The following GSTT4 variants were observed in gnomAD, a reference collection of about 807,000 sequenced individuals.
The protein encoded by GSTT4 is glutathione S-transferase theta 4.
chr22:23,994,762 C>A (rs542846194), downstream of GSTT4, among the ~76,000 whole-genome samples: 1 of 152,084 alleles, frequency 6.6e-6, no homozygotes, highest in Non-Finnish European at 1.5e-5. Context: ...GCTTTTTCTG[C>A]ACCAAACGCA....
downstream of GSTT4, among the ~76,000 whole-genome samples, chr22:23,994,264 C>T (rs2146221520): frequency 6.6e-6 from 1 of 152,118 alleles, no homozygotes; most frequent in East Asian, 1.9e-4. Flanking sequence ...TCCACCCTTT[C>T]AAAGTATACT....
the GSTT4 span, among the ~76,000 whole-genome samples, chr22:23,990,453 C>CAA: frequency 1.0e-4 from 3 of 29,972 alleles, 1 homozygote; most frequent in Admixed American, 1.1e-3. Context: ...CTACACACAC[C>CAA]AAAAAAAAAA....
At chr22:23,991,052 C>T in the GSTT4 span, among the ~76,000 whole-genome samples, 1,226 of 68,572 alleles carry the variant, frequency 0.018, 3 homozygotes, top group Middle Eastern at 0.035. Context: ...TCGGTGGGCA[C>T]CTGTAGTCCC....
rs2146228286 is a variant in GSTT4 at position 24,000,259 on chromosome 22, G to C, written c.352-8C>G. The C allele has an allele frequency of 6.5e-6, 1 of 153,286 alleles. No individual in the cohort carries two copies. The highest frequency in any genetic ancestry group is 1.9e-4 in the East Asian group (1 of 5,170). The allele number at this position is 153,286 out of a possible 1,614,324, so 9.5% of individuals were successfully genotyped here. On this transcript the variant is annotated splice_polypyrimidine_tract_variant and splice_region_variant and intron_variant, in intron 3 of 4. Transcript: ENST00000621179. ...TATCTTTGGGATCAGCAACTGGCCA[G>C]GGTTGGGAAGAGGAGGGAAGAGGAG...
chr22:23,989,690 G>A, the GSTT4 span, among the ~76,000 whole-genome samples: 1 of 151,230 alleles, frequency 6.6e-6, no homozygotes, highest in African/African-American at 2.4e-5. Context: ...AGCCCCCGGT[G>A]GCTCAGCTCT....
intron 4 of GSTT4, among the ~76,000 whole-genome samples, 143 bp downstream of exon 4, chr22:23,999,924 TCCAGGCCC>T: frequency 6.6e-6 from 1 of 152,218 alleles, no homozygotes; most frequent in Non-Finnish European, 1.5e-5. Context: ...CCCGATTGAG[TCCAGGCCC>T]CCAGGCCTGG....
At chr22:23,991,004 C>CAATAGTAAT in the GSTT4 span, among the ~76,000 whole-genome samples, 1 of 74,422 alleles carries the variant, frequency 1.3e-5, no homozygotes, top group African/African-American at 4.0e-5. Flanking sequence ...GACCTCCTCT[C>CAATAGTAAT]AATAATAATA....
chr22:24,003,641 G>T (rs2034286323), intron 2 of GSTT4, 119 bp downstream of exon 2: 1 of 154,584 alleles, frequency 6.5e-6, no homozygotes, highest in Non-Finnish European at 1.5e-5. Context: ...TCATTAGTTA[G>T]TATTCACTCT....
chr22:23,995,093 G>A (rs2034102642), downstream of GSTT4, among the ~76,000 whole-genome samples: 1 of 152,054 alleles, frequency 6.6e-6, no homozygotes, highest in South Asian at 2.1e-4. Context: ...GTTTGTAGCT[G>A]TTAAGGCTGG....
At chr22:23,990,031 C>A in the GSTT4 span, among the ~76,000 whole-genome samples, 2 of 149,846 alleles carry the variant, frequency 1.3e-5, no homozygotes, top group Non-Finnish European at 3.0e-5. Context: ...CTCCCTCTGG[C>A]CTGCCCAGGG....
chr22:23,990,453 C>CAAAA, the GSTT4 span, among the ~76,000 whole-genome samples: 1 of 29,996 alleles, frequency 3.3e-5, no homozygotes, highest in Non-Finnish European at 5.8e-5. Context: ...CTACACACAC[C>CAAAA]AAAAAAAAAA....
downstream of GSTT4, among the ~76,000 whole-genome samples, chr22:23,995,308 C>T (rs530066463): frequency 6.6e-6 from 1 of 152,246 alleles, no homozygotes; most frequent in South Asian, 2.1e-4. Context: ...AATTTTAAGA[C>T]AAGCTTTTGG....
downstream of GSTT4, among the ~76,000 whole-genome samples, chr22:23,994,925 G>A (rs2034101003): frequency 6.6e-6 from 1 of 152,040 alleles, no homozygotes; most frequent in African/African-American, 2.4e-5. Context: ...TACTCATCAG[G>A]GTGGTTGTGA....
At chr22:23,992,330 A>G in the GSTT4 span, among the ~76,000 whole-genome samples, 1 of 143,354 alleles carries the variant, frequency 7.0e-6, no homozygotes, top group Non-Finnish European at 1.5e-5. Flanking sequence ...CAGTAAATTA[A>G]TCACCATGAC....
the GSTT4 span, among the ~76,000 whole-genome samples, chr22:23,993,034 C>A: frequency 0.62 from 92,295 of 148,204 alleles, 27,946 homozygotes; most frequent in South Asian, 0.76. Context: ...CAGCCTCCCA[C>A]AGTGCTGGGA....
chr22:24,003,162 A>G, intron 2 of GSTT4, among the ~76,000 whole-genome samples: 1 of 125,030 alleles, frequency 8.0e-6, no homozygotes, highest in South Asian at 2.7e-4. Context: ...TTGTTTTAAG[A>G]ACTCTTATCT....
At chr22:24,002,755 C>T (rs181940737) in intron 2 of GSTT4, among the ~76,000 whole-genome samples, 10 of 60,040 alleles carry the variant, frequency 1.7e-4, no homozygotes, top group East Asian at 7.5e-4. Flanking sequence ...GGCGTGAACC[C>T]GGGAGGCGGA....
At chr22:23,996,845 T>C (rs2034121277), downstream of GSTT4, among the ~76,000 whole-genome samples, 2 of 152,310 alleles carry the variant, frequency 1.3e-5, no homozygotes, top group Middle Eastern at 6.8e-3. Context: ...TCTGGCCTCA[T>C]AGTATGAGTT....
At chr22:24,003,089 C>G (rs949512295) in intron 2 of GSTT4, among the ~76,000 whole-genome samples, 6 of 152,246 alleles carry the variant, frequency 3.9e-5, no homozygotes, top group African/African-American at 9.6e-5. Flanking sequence ...CCCGTGTCAG[C>G]CTCTGGAAGT....
Sources: allele counts gnomAD v4.1 joint callset (sites outside exome capture counted in the v4.1 genomes callset), GRCh38; gene constraint gnomAD v4.1.1; transcripts MANE v1.5; gene names NCBI Gene and HGNC (gene_info 2026-07-23, HGNC 2026-07-21).